TEKT5: variants seen among roughly 807,000 people sequenced by gnomAD.
TEKT5 encodes tektin 5, also known as tektin-5.
A neutral mutation model predicts 48.7 loss-of-function variants in TEKT5; 52 were observed. That is an observed-to-expected ratio of 1.07 (90% CI 0.86 to 1.35). The LOEUF is 1.35. TEKT5 is among the 40% of genes most tolerant of loss of function. The pLI, the probability that TEKT5 is intolerant of heterozygous loss-of-function variation, is 0.00. For synonymous variants in TEKT5, 318 were observed against 267.6 expected, an observed-to-expected ratio of 1.19 and a Z score of -1.84; for missense variants, 831 against 641.6, an observed-to-expected ratio of 1.30 and a Z score of -3.19.
chr16:10,685,342 C>T (rs1898844099), intron 3 of TEKT5, among the ~76,000 whole-genome samples: 1 of 152,146 alleles, frequency 6.6e-6, no homozygotes, highest in African/African-American at 2.4e-5. Context: ...CTCTGTGGCC[C>T]GGACTGGAGT....
chr16:10,688,424 T>C (rs1221063602), intron 3 of TEKT5, among the ~76,000 whole-genome samples: 1 of 152,224 alleles, frequency 6.6e-6, no homozygotes, highest in Non-Finnish European at 1.5e-5. Flanking sequence ...AGGGCTGATT[T>C]GGAAGGTGCC....
chr16:10,642,016 T>A (rs1214044451), intron 5 of TEKT5, among the ~76,000 whole-genome samples: 1 of 152,256 alleles, frequency 6.6e-6, no homozygotes, highest in Non-Finnish European at 1.5e-5. Flanking sequence ...GCTAAGGGGC[T>A]GGCCGCAGGC....
At chr16:10,678,525 C>T (rs1332143336) in intron 4 of TEKT5, among the ~76,000 whole-genome samples, 3 of 152,176 alleles carry the variant, frequency 2.0e-5, no homozygotes, top group South Asian at 2.1e-4. Flanking sequence ...ACAGGCATCT[C>T]GGGCTTCTGG....
intron 3 of TEKT5, among the ~76,000 whole-genome samples, chr16:10,683,947 C>T (rs995812440): frequency 9.9e-5 from 15 of 152,224 alleles, no homozygotes; most frequent in African/African-American, 3.4e-4. Context: ...ATTTACATCC[C>T]TGTCTTTAAA....
At chr16:10,682,777 T>A (rs991040847) in intron 3 of TEKT5, among the ~76,000 whole-genome samples, 5 of 152,346 alleles carry the variant, frequency 3.3e-5, no homozygotes, top group Admixed American at 3.3e-4. Flanking sequence ...CCATGTGGCT[T>A]CATCTCAATA....
At chr16:10,660,704 T>TGTGTG (rs1567230482) in intron 5 of TEKT5, among the ~76,000 whole-genome samples, 7 of 137,994 alleles carry the variant, frequency 5.1e-5, no homozygotes, top group African/African-American at 1.6e-4. Context: ...TGTGTGTGTG[T>TGTGTG]TATTTATTTA....
chr16:10,689,143 C>A lies in TEKT5; in HGVS notation c.719+110G>T, dbSNP rs1898918557. ...GAACATTTACCAGCATACCACTGAC[C>A]AAAAGAACCACCCAGAGACAAGTGG... On this transcript the variant is annotated intron_variant, in intron 3 of 6. Transcript: ENST00000283025. The A allele has an allele frequency of 1.0e-5, 8 of 803,722 alleles. No homozygotes were observed. In the South Asian group the frequency reaches 1.1e-4, roughly 11 times the overall value. 49.8% of individuals were successfully genotyped at this position (803,722 alleles called of 1,614,324 possible). A position where few individuals can be genotyped will look rare whatever the true frequency, so the allele number is the denominator to read the frequency against.
At chr16:10,672,910 G>A (rs1898573577) in intron 5 of TEKT5, among the ~76,000 whole-genome samples, 2 of 150,154 alleles carry the variant, frequency 1.3e-5, no homozygotes, top group Middle Eastern at 3.4e-3. Context: ...TGGATGGAGT[G>A]CAGTGGTGCA....
chr16:10,661,975 C>G (rs1194423718), intron 5 of TEKT5, among the ~76,000 whole-genome samples: 3 of 152,246 alleles, frequency 2.0e-5, no homozygotes, highest in Admixed American at 1.3e-4. Context: ...AGCCTCCACA[C>G]TATCTACCCT....
chr16:10,682,064 C>G lies in TEKT5; in HGVS notation c.792G>C (p.Glu264Asp). ...EDKSSAQCID[E>D]KCFNLRNTSD... ...ACGTATTTCTCAGGTTAAAGCACTT[C>G]TCATCGATACACTGGGCCGAGCTTT... The change falls in exon 4 of 7, where the codon GAG becomes GAC. Residue 264 changes from glutamate (E) to aspartate (D), a missense_variant. By Grantham distance (45) the Glu-to-Asp change is conservative (BLOSUM62 2). Transcript: ENST00000283025. 1 of 1,614,222 alleles carries G rather than the reference C, an allele frequency of 6.2e-7. No individual in the cohort carries two copies. The highest frequency in any genetic ancestry group is 1.1e-5 in the South Asian group (1 of 91,084).
At chr16:10,681,595 A>AT (rs35402400) in intron 4 of TEKT5, among the ~76,000 whole-genome samples, 28,526 of 142,800 alleles carry the variant, frequency 0.2, 3,728 homozygotes, top group East Asian at 0.54. Context: ...TTGTTTCGGA[A>AT]TTTTTTTTTT....
intron 6 of TEKT5, among the ~76,000 whole-genome samples, chr16:10,630,646 C>A (rs542625530): frequency 6.6e-6 from 1 of 152,276 alleles, no homozygotes; most frequent in East Asian, 1.9e-4. Flanking sequence ...AATATGGTAC[C>A]CACCAGCCCC....
At position 10,635,829 on chromosome 16, in the gene TEKT5, C is replaced by G; in HGVS notation, c.1176G>C (p.Gln392His). 6.2e-7 allele frequency: 1 copy of G among 1,614,174 alleles called. No individual in the cohort carries two copies. Among genetic ancestry groups the G allele is most frequent in the South Asian group, 1.1e-5 (1 of 91,088 alleles). The change falls in exon 6 of 7, where the codon CAG (glutamine) becomes CAC (histidine). Residue 392 changes from glutamine (Q) to histidine (H), a missense_variant. Transcript: ENST00000283025. ...MAKEGPLKVA[Q>H]TRLECRTRRP... ...GCCGGGTCCGGCACTCCAGCCTTGT[C>G]TGGGCCACCTTCAGCGGGCCCTCCT...
chr16:10,637,141 C>T (rs1050028407), intron 5 of TEKT5, among the ~76,000 whole-genome samples: 1 of 147,218 alleles, frequency 6.8e-6, no homozygotes, highest in African/African-American at 2.6e-5. Context: ...GCCACCATGC[C>T]TGGCTAATTT....
In TEKT5 at chr16:10,676,235, G is replaced by A. The variant is rs142493210; in HGVS notation, c.864-54C>T. 1.8e-3 allele frequency: 2,834 copies of A among 1,556,776 alleles called. 79 individuals carry two copies. In the East Asian group the frequency reaches 0.06, roughly 33 times the overall value. On this transcript the variant is annotated intron_variant, in intron 4 of 6. Coordinates refer to ENST00000283025, the MANE Select transcript of TEKT5 (RefSeq NM_144674.2). The stretch of plus-strand genomic sequence containing the variant: ...AGTCCTGGAAGACCTCAGAATCTGT[G>A]GTTTCTCCGCCTTGGCAGTCTTGGC...
intron 5 of TEKT5, among the ~76,000 whole-genome samples, chr16:10,660,900 C>T (rs1567230538): frequency 6.6e-6 from 1 of 152,086 alleles, no homozygotes; most frequent in East Asian, 1.9e-4. Context: ...GTGGTTTCGC[C>T]ATGTTGGCCA....
At chr16:10,637,148 AT>A (rs112246826) in intron 5 of TEKT5, among the ~76,000 whole-genome samples, 2 of 150,462 alleles carry the variant, frequency 1.3e-5, no homozygotes, top group South Asian at 2.1e-4. Flanking sequence ...TGCCTGGCTA[AT>A]TTTTTTTTAT....
intron 4 of TEKT5, 64 bp from the exon 5 acceptor site, chr16:10,676,245 C>T: frequency 1.3e-6 from 2 of 1,514,454 alleles, no homozygotes; most frequent in South Asian, 2.3e-5. Flanking sequence ...GGTTTCTCCG[C>T]CTTGGCAGTC....
chr16:10,636,375 CAAA>C (rs35709495), intron 5 of TEKT5, among the ~76,000 whole-genome samples: 1 of 138,238 alleles, frequency 7.2e-6, no homozygotes, highest in African/African-American at 2.8e-5. Flanking sequence ...GACTTTGTCT[CAAA>C]AAAAAAAAAA....
Sources: gnomAD v4.1 joint callset for allele counts (sites outside exome capture counted in the v4.1 genomes callset) on GRCh38, gnomAD v4.1.1 for gene constraint, MANE v1.5 for transcripts, NCBI Gene and HGNC (gene_info 2026-07-23, HGNC 2026-07-21) for gene names.